Variants in KCTD7 observed in about 807,000 individuals in gnomAD.
The protein encoded by KCTD7 is BTB/POZ domain-containing protein KCTD7.
Under a neutral mutation model 27.0 loss-of-function variants are expected in KCTD7, and 15 were observed. The observed-to-expected ratio is 0.56, with a 90% CI of 0.37 to 0.86. The LOEUF (loss-of-function observed/expected upper bound fraction) is 0.86. KCTD7 is among the 40% of genes least tolerant of loss of function. KCTD7 has a pLI of 0.00. For missense variants in KCTD7, 299 were observed against 398.9 expected (o/e 0.75, Z 2.13); for synonymous variants, 159 against 162.7 (o/e 0.98, Z 0.17).
Position 66,640,268 on chromosome 7 carries a change from C to G in KCTD7, c.*1036C>G. 1 of 1,502,236 alleles carries G rather than the reference C, an allele frequency of 6.7e-7. No homozygotes were observed. The highest frequency in any genetic ancestry group is 2.5e-5 in the East Asian group (1 of 40,786). 93.1% of individuals were successfully genotyped at this position (1,502,236 alleles called of 1,614,324 possible). On this transcript the variant is annotated 3_prime_UTR_variant, in exon 4 of 4. Coordinates refer to ENST00000639828, the MANE Select transcript of KCTD7 (RefSeq NM_153033.5). The stretch of plus-strand genomic sequence containing the variant: ...TGAGACACACAGCTATCCTAGGAGC[C>G]GTAGGAAGACAAAACTTCCCTTTTG...
chr7:66,636,244 C>G lies in KCTD7; in HGVS notation c.315-2009C>G, dbSNP rs4717307. 2.1e-3 allele frequency among the ~76,000 whole-genome samples: 326 copies of G among 151,834 alleles called. 4 individuals are homozygous for G. Among genetic ancestry groups the G allele is most frequent in the Admixed American group, 0.011 (167 of 15,226 alleles). ...GTCTGGGGTCGTTCCCCATTGTCAT[C>G]AGCTTGCTGCACTCTGGTCTAAATG... is the stretch of plus-strand genomic sequence containing the variant. On this transcript the variant is annotated intron_variant, in intron 2 of 3. Transcript: ENST00000639828.
In KCTD7 at chr7:66,642,909, C is replaced by T. The variant is rs1786752532; in HGVS notation, c.*3677C>T. The T allele has an allele frequency of 5.1e-6, 5 of 985,384 alleles. No individual in the cohort carries two copies. In the South Asian group the frequency reaches 1.9e-4, roughly 37 times the overall value. 61.0% of individuals were successfully genotyped at this position (985,384 alleles called of 1,614,324 possible). ...CTCGAGTGTGGGAGGTCACCTGGGT[C>T]CGTCGTCTTCCTTCTGTATGGTGTT... On this transcript the variant is annotated 3_prime_UTR_variant, in exon 4 of 4. Coordinates refer to ENST00000639828, the MANE Select transcript of KCTD7 (RefSeq NM_153033.5).
rs748355807 is a variant in KCTD7, at chr7:66,640,411, C to T, written c.*1179C>T. 1 of 1,537,230 alleles carries T rather than the reference C, an allele frequency of 6.5e-7. No homozygotes were observed. The highest frequency in any genetic ancestry group is 1.2e-5 in the South Asian group (1 of 84,062). ...TATTTCAGAAATTGAAAAAGATCCC[C>T]AAGGATCTGTTACTACTGCATTTCC... On this transcript the variant is annotated 3_prime_UTR_variant, in exon 4 of 4. Coordinates refer to ENST00000639828, the MANE Select transcript of KCTD7 (RefSeq NM_153033.5).
At position 66,638,191 on chromosome 7, in the gene KCTD7, CTG is replaced by C. The variant is rs1382076972; in HGVS notation, c.315-57_315-56del. On this transcript the variant is annotated intron_variant, in intron 2 of 3. Transcript: ENST00000639828. ...GGTTTTAGATTTTGTCCAATGCACA[CTG>C]TGTGGCACTGCCCAGGAGCATAAGC... is the stretch of plus-strand genomic sequence containing the variant. 7 of 1,567,532 alleles carry C rather than the reference CTG, an allele frequency of 4.5e-6. No homozygotes were observed. In the African/African-American group the frequency reaches 9.4e-5, roughly 21 times the overall value.
rs1308817488 is a variant in KCTD7, at chr7:66,629,279, G to C, written c.144+71G>C. 7.3e-6 allele frequency: 8 copies of C among 1,089,536 alleles called. 1 individual carries two copies. The African/African-American group carries it at 8.3e-5, about 11-fold the overall frequency. The allele number at this position is 1,089,536 out of a possible 1,614,324, so 67.5% of individuals were successfully genotyped here. ...GGGAGAAGCGGGCGCGGGGCATAGC[G>C]GTCCTCGGCGGGTGGGCGGGGCCGG... is the stretch of plus-strand genomic sequence containing the variant. On this transcript the variant is annotated intron_variant, in intron 1 of 3. Transcript: ENST00000639828.
chr7:66,641,112 G>A lies in KCTD7; in HGVS notation c.*1880G>A. 1 of 985,398 alleles carries A rather than the reference G, an allele frequency of 1.0e-6. No individual in the cohort carries two copies. Among genetic ancestry groups the A allele is most frequent in the Non-Finnish European group, 1.2e-6 (1 of 829,932 alleles). 61.0% of individuals were successfully genotyped at this position (985,398 alleles called of 1,614,324 possible). On this transcript the variant is annotated 3_prime_UTR_variant, in exon 4 of 4. Transcript: ENST00000639828. ...GTGGATACTGAGATCTAAGAGGAAA[G>A]GATAGTCATTCACGTTCTGAGATAT...
chr7:66,638,334 T>C lies in KCTD7; in HGVS notation c.396T>C (p.Tyr132=). Reference sequence around the variant, plus strand: ...CTGTGTACAAAGAGGCCCAGTACTATGCCATCGGGCCCCTCCTGGAGCAGC... The same window carrying C: ...CTGTGTACAAAGAGGCCCAGTACTACGCCATCGGGCCCCTCCTGGAGCAGC... ...VRAVYKEAQY[Y]AIGPLLEQLE... The change falls in exon 3 of 4, where the codon TAT becomes TAC. Residue 132 remains tyrosine (Y), a synonymous_variant. Coordinates refer to ENST00000639828, the MANE Select transcript of KCTD7 (RefSeq NM_153033.5). 1 of 1,614,244 alleles carries C rather than the reference T, an allele frequency of 6.2e-7. No homozygotes were observed. Among genetic ancestry groups the C allele is most frequent in the Non-Finnish European group, 8.5e-7 (1 of 1,180,036 alleles).
chr7:66,635,502 C>G (rs551514456), intron 2 of KCTD7, among the ~76,000 whole-genome samples: 2 of 151,562 alleles, frequency 1.3e-5, no homozygotes, highest in Admixed American at 6.6e-5. Flanking sequence ...TGGTGTGACC[C>G]CTAGCCATGT....
chr7:66,637,659 A>G (rs1242013790), intron 2 of KCTD7, among the ~76,000 whole-genome samples: 5 of 152,212 alleles, frequency 3.3e-5, no homozygotes, highest in Non-Finnish European at 7.3e-5. Flanking sequence ...TTCTGTTTAT[A>G]TATATATTTC....
chr7:66,642,904 T>G lies in KCTD7; in HGVS notation c.*3672T>G. 2.0e-6 allele frequency: 2 copies of G among 985,486 alleles called. No homozygotes were observed. The highest frequency in any genetic ancestry group is 2.4e-6 in the Non-Finnish European group (2 of 829,990). The allele number at this position is 985,486 out of a possible 1,614,324, so 61.0% of individuals were successfully genotyped here. On this transcript the variant is annotated 3_prime_UTR_variant, in exon 4 of 4. Transcript: ENST00000639828. ...GTCACCTCGAGTGTGGGAGGTCACC[T>G]GGGTCCGTCGTCTTCCTTCTGTATG...
intron 1 of KCTD7, among the ~76,000 whole-genome samples, chr7:66,631,426 G>A (rs1403128556): frequency 6.6e-6 from 1 of 152,054 alleles, no homozygotes; most frequent in Non-Finnish European, 1.5e-5. Flanking sequence ...AAAATTAGTT[G>A]GGTGTGGCCA....
chr7:66,634,134 A>ATATATATATATATATG (rs997286181), intron 2 of KCTD7, among the ~76,000 whole-genome samples: 1 of 145,666 alleles, frequency 6.9e-6, no homozygotes, highest in African/African-American at 2.5e-5. Flanking sequence ...ATATATATAT[A>ATATATATATATATATG]TATGTATATA....
Position 66,641,400 on chromosome 7 carries a change from G to A in KCTD7, c.*2168G>A. ...CAGTAATGTGGCCTTGACCCCTTCT[G>A]CTTCCCCCTTCTCCCATGGAGCATG... On this transcript the variant is annotated 3_prime_UTR_variant, in exon 4 of 4. Transcript: ENST00000639828. The A allele has an allele frequency of 1.0e-6, 1 of 985,344 alleles. No homozygotes were observed. The highest frequency in any genetic ancestry group is 1.2e-6 in the Non-Finnish European group (1 of 829,926). The allele number at this position is 985,344 out of a possible 1,614,324, so 61.0% of individuals were successfully genotyped here. A position where few individuals can be genotyped will look rare whatever the true frequency, so the allele number is the denominator to read the frequency against.
intron 3 of KCTD7, 132 bp from the exon 4 acceptor site, chr7:66,638,722 CCT>C (rs768539711): frequency 1.7e-4 from 194 of 1,144,860 alleles, no homozygotes; most frequent in Non-Finnish European, 2.2e-4. Flanking sequence ...TCATTGGCCC[CCT>C]GAGTCCCTTC....
Position 66,641,390 on chromosome 7 carries a change from G to A in KCTD7, c.*2158G>A. On this transcript the variant is annotated 3_prime_UTR_variant, in exon 4 of 4. Coordinates refer to ENST00000639828, the MANE Select transcript of KCTD7 (RefSeq NM_153033.5). ...CCATTGCTTTCAGTAATGTGGCCTT[G>A]ACCCCTTCTGCTTCCCCCTTCTCCC... 2 of 985,430 alleles carry A rather than the reference G, an allele frequency of 2.0e-6. No individual in the cohort carries two copies. The highest frequency in any genetic ancestry group is 2.4e-6 in the Non-Finnish European group (2 of 829,938). The allele number at this position is 985,430 out of a possible 1,614,324, so 61.0% of individuals were successfully genotyped here.
rs2116774076 is a variant in KCTD7 at position 66,638,401 on chromosome 7, G to A, written c.463G>A (p.Ala155Thr). Residue 155 changes from alanine (A) to threonine (T), a missense_variant, in exon 3 of 4, where the codon GCG (alanine) becomes ACG (threonine). Ala to Thr is a moderately conservative substitution (Grantham distance 58). Coordinates refer to ENST00000639828, the MANE Select transcript of KCTD7 (RefSeq NM_153033.5). ...ACTGAAGGGCGAGAAGGTGCGCCAA[G>A]CGTTTCTGGGACTCATGCCCTATTA... ...QPLKGEKVRQ[A>T]FLGLMPYYKD... 6.2e-7 allele frequency: 1 copy of A among 1,614,234 alleles called. No homozygotes were observed. Among genetic ancestry groups the A allele is most frequent in the Non-Finnish European group, 8.5e-7 (1 of 1,180,042 alleles).
chr7:66,639,937 T>G lies in KCTD7; in HGVS notation c.*705T>G. 8.0e-7 allele frequency: 1 copy of G among 1,247,350 alleles called. No individual in the cohort carries two copies. Among genetic ancestry groups the G allele is most frequent in the Non-Finnish European group, 1.0e-6 (1 of 997,742 alleles). The allele number at this position is 1,247,350 out of a possible 1,614,324, so 77.3% of individuals were successfully genotyped here. On this transcript the variant is annotated 3_prime_UTR_variant, in exon 4 of 4. Transcript: ENST00000639828. ...TCTTAGGGCCGCGGCTTCTCTTATC[T>G]TCCACCACCTTCCTTGCTTGCAGGG...
At chr7:66,634,113 C>CATATATATATATATATATATATATATAT (rs3069693) in intron 2 of KCTD7, among the ~76,000 whole-genome samples, 6 of 132,260 alleles carry the variant, frequency 4.5e-5, no homozygotes, top group East Asian at 2.1e-4. Context: ...TGTGTGTATA[C>CATATATATATATATATATATATATATAT]ATATATATAT....
intron 2 of KCTD7, 93 bp downstream of exon 2, chr7:66,633,537 G>C: frequency 1.7e-6 from 2 of 1,179,180 alleles, no homozygotes; most frequent in Non-Finnish European, 2.5e-6. Context: ...ATAGTACCTA[G>C]AAGAGGAGAT....
Sources: gnomAD v4.1 joint callset for allele counts (sites outside exome capture counted in the v4.1 genomes callset) on GRCh38, gnomAD v4.1.1 for gene constraint, MANE v1.5 for transcripts, NCBI Gene and HGNC (gene_info 2026-07-23, HGNC 2026-07-21) for gene names.